PHF21A: variants seen among roughly 807,000 people sequenced by gnomAD.
PHF21A encodes the protein BHC80a.
PHF21A carries 11 observed loss-of-function variants against 82.5 expected under a neutral mutation model. The observed-to-expected ratio is 0.13, with a 90% CI of 0.08 to 0.22. PHF21A has a LOEUF of 0.22. PHF21A is among the 10% of genes least tolerant of loss of function. The probability of loss-of-function intolerance (pLI) is 1.00; values close to 1 mark genes in which losing one functional copy is unlikely to be tolerated. For missense variants in PHF21A, 579 were observed against 837.8 expected (o/e 0.69, Z 3.81); for synonymous variants, 297 against 302.8 (o/e 0.98, Z 0.20).
At chr11:46,042,380 T>G (rs2096165371) in intron 6 of PHF21A, among the ~76,000 whole-genome samples, 1 of 152,136 alleles carries the variant, frequency 6.6e-6, no homozygotes, top group Non-Finnish European at 1.5e-5. Context: ...TTAGTATGTG[T>G]GATAGTGCAA....
At chr11:46,001,700 T>A (rs1187159504) in intron 6 of PHF21A, among the ~76,000 whole-genome samples, 1 of 152,222 alleles carries the variant, frequency 6.6e-6, no homozygotes, top group Non-Finnish European at 1.5e-5. Context: ...CAGAGTTAAC[T>A]GGTATGATAG....
In PHF21A at chr11:45,988,924, T is replaced by G. The variant is rs182722540; in HGVS notation, c.154-8958A>C. On this transcript the variant is annotated intron_variant, in intron 6 of 18. Transcript: ENST00000676320. ...AAGAAAAGATTCTAAAGCTGCTGAA[T>G]GCTACCCTCTTAGTTTCACAAAGTA... Among the ~76,000 whole-genome samples, 151 of 152,308 alleles carry G rather than the reference T, an allele frequency of 9.9e-4. 1 individual carries two copies. The highest frequency in any genetic ancestry group is 3.2e-4 in the Non-Finnish European group (22 of 68,026).
chr11:46,100,120 C>G (rs150108211), intron 1 of PHF21A, among the ~76,000 whole-genome samples: 18 of 152,248 alleles, frequency 1.2e-4, no homozygotes, highest in African/African-American at 3.6e-4. Context: ...GCCTCAATCA[C>G]GCTGATAAGT....
intron 1 of PHF21A, among the ~76,000 whole-genome samples, chr11:46,117,559 G>A (rs1369705607): frequency 6.6e-6 from 1 of 151,964 alleles, no homozygotes; most frequent in Non-Finnish European, 1.5e-5. Flanking sequence ...TAAATCCGAG[G>A]GGAAAAAACT....
At chr11:46,061,164 C>G (rs2096530522) in intron 6 of PHF21A, among the ~76,000 whole-genome samples, 1 of 152,114 alleles carries the variant, frequency 6.6e-6, no homozygotes, top group Non-Finnish European at 1.5e-5. Flanking sequence ...TTCTATTAGT[C>G]TATGCTGTTT....
At position 45,935,738 on chromosome 11, in the gene PHF21A, T is replaced by C. The variant is rs775482827; in HGVS notation, c.1686A>G (p.Ala562=). Residue 562 remains alanine (A), a splice_region_variant and synonymous_variant, in exon 18 of 19, where the codon GCA becomes GCG. Coordinates refer to ENST00000676320, the MANE Select transcript of PHF21A (RefSeq NM_001352027.3). ...IVHSYIAYKA[A]KEEEKQKLLK... is the part of the protein sequence containing the mutation. ...GTAACTTCTGTTTCTCTTCTTCTTT[T>C]GCTAAAAAAAAAAAAAAAAAAAAAA... 5 of 1,043,176 alleles carry C rather than the reference T, an allele frequency of 4.8e-6. No individual in the cohort carries two copies. The African/African-American group carries it at 7.6e-5, about 16-fold the overall frequency. 64.6% of individuals were successfully genotyped at this position (1,043,176 alleles called of 1,614,324 possible). A position where few individuals can be genotyped will look rare whatever the true frequency, so the allele number is the denominator to read the frequency against.
At chr11:46,034,416 C>T (rs2095943724) in intron 6 of PHF21A, among the ~76,000 whole-genome samples, 1 of 151,934 alleles carries the variant, frequency 6.6e-6, no homozygotes, top group Non-Finnish European at 1.5e-5. Context: ...TTTCTTTTAT[C>T]CTCTTATGTT....
intron 6 of PHF21A, among the ~76,000 whole-genome samples, chr11:46,026,104 G>A (rs939255075): frequency 9.9e-5 from 15 of 152,084 alleles, no homozygotes; most frequent in African/African-American, 1.9e-4. Context: ...CTGACTATTC[G>A]TACTTAGGCG....
chr11:45,992,450 G>A (rs1279885106), intron 6 of PHF21A, among the ~76,000 whole-genome samples: 7 of 152,158 alleles, frequency 4.6e-5, no homozygotes. Flanking sequence ...TGAGGCAGGA[G>A]AATGGCGTGA....
intron 6 of PHF21A, among the ~76,000 whole-genome samples, chr11:45,980,205 A>T (rs975884481): frequency 2.0e-5 from 3 of 152,154 alleles, no homozygotes; most frequent in African/African-American, 4.8e-5. Flanking sequence ...ACAAATGAAA[A>T]ATCTGAAGGA....
In PHF21A at chr11:45,932,054, C is replaced by T. The variant is rs1450842343; in HGVS notation, c.*1914G>A. The T allele has an allele frequency of 6.6e-6, 1 of 152,260 alleles. No homozygotes were observed. The highest frequency in any genetic ancestry group is 1.5e-5 in the Non-Finnish European group (1 of 68,078). 9.4% of individuals were successfully genotyped at this position (152,260 alleles called of 1,614,324 possible). On this transcript the variant is annotated 3_prime_UTR_variant, in exon 19 of 19. Transcript: ENST00000676320. The surrounding 1 kb of genome is among the most constrained non-coding windows in gnomAD (Gnocchi z 4.3). Reference sequence around the variant, plus strand: ...TTCAGACCTCTCCCCAAAGGCAAGACAGAGCGAAGGCCACGCTGGGGCTCT... The same window carrying T: ...TTCAGACCTCTCCCCAAAGGCAAGATAGAGCGAAGGCCACGCTGGGGCTCT...
rs143124534 is a variant in PHF21A, at chr11:46,068,802, C to A, written c.153+7952G>T. On this transcript the variant is annotated intron_variant, in intron 6 of 18. Coordinates refer to ENST00000676320, the MANE Select transcript of PHF21A (RefSeq NM_001352027.3). ...ATTCCATTTGCCAGCACCAAAAATA[C>A]GTTATTAGGATAAACTTACAAGAGG... Among the ~76,000 whole-genome samples, 595 of 152,246 alleles carry A rather than the reference C, an allele frequency of 3.9e-3. 1 individual carries two copies. The highest frequency in any genetic ancestry group is 5.5e-3 in the Non-Finnish European group (373 of 68,014).
chr11:46,030,828 T>TGC (rs1161421319), intron 6 of PHF21A, among the ~76,000 whole-genome samples: 7 of 109,114 alleles, frequency 6.4e-5, no homozygotes, highest in Admixed American at 1.1e-4. Context: ...TGCGTGTGTG[T>TGC]GCGTGTGTGT....
At chr11:45,956,987 C>T (rs937777442) in intron 10 of PHF21A, among the ~76,000 whole-genome samples, 1 of 152,010 alleles carries the variant, frequency 6.6e-6, no homozygotes, top group Non-Finnish European at 1.5e-5. Flanking sequence ...GGCTATAGTA[C>T]TATTAGACAA....
intron 6 of PHF21A, among the ~76,000 whole-genome samples, chr11:45,986,911 A>C (rs1307767701): frequency 6.6e-6 from 1 of 152,098 alleles, no homozygotes; most frequent in East Asian, 1.9e-4. Context: ...TTTAATGACA[A>C]CTGCCAAAAA....
chr11:46,048,783 TTTTTTTTTTGTTTGAACGTATGC>T (rs1292404122), intron 6 of PHF21A, among the ~76,000 whole-genome samples: 6 of 150,066 alleles, frequency 4.0e-5, no homozygotes, highest in Non-Finnish European at 4.5e-5. Flanking sequence ...AAAAAAATAA[TTTTTTTTTTGTTTGAACGTATGC>T]TTTCATTTCT....
intron 15 of PHF21A, among the ~76,000 whole-genome samples, chr11:45,943,675 AAC>A (rs1269567807): frequency 6.6e-6 from 1 of 152,252 alleles, no homozygotes; most frequent in African/African-American, 2.4e-5. Context: ...ATCATTAGAT[AAC>A]AGTTTGTTGG....
intron 1 of PHF21A, among the ~76,000 whole-genome samples, chr11:46,120,182 C>T (rs1442610222): frequency 6.7e-6 from 1 of 149,988 alleles, no homozygotes; most frequent in East Asian, 1.9e-4. Flanking sequence ...CGTCAGCAGC[C>T]GCAGCTTTTT....
intron 10 of PHF21A, among the ~76,000 whole-genome samples, chr11:45,955,351 A>T (rs2092555286): frequency 6.6e-6 from 1 of 152,108 alleles, no homozygotes; most frequent in Non-Finnish European, 1.5e-5. Context: ...AAAACAAAAC[A>T]CCAGTGGGAA....
Sources: allele counts gnomAD v4.1 joint callset (sites outside exome capture counted in the v4.1 genomes callset), GRCh38; gene constraint gnomAD v4.1.1; non-coding constraint Gnocchi (gnomAD v3.1); transcripts MANE v1.5; gene names NCBI Gene and HGNC (gene_info 2026-07-23, HGNC 2026-07-21).